Variants in KDM4C observed in about 807,000 individuals in gnomAD.
KDM4C encodes lysine demethylase 4C.
A neutral mutation model predicts 129.3 loss-of-function variants in KDM4C; 81 were observed. The ratio of observed to expected loss-of-function variants is 0.63; its 90% CI spans 0.52 to 0.75. The LOEUF is 0.75. Ranked by LOEUF, KDM4C falls within the 30% of genes least tolerant of loss-of-function variation. The pLI, the probability that KDM4C is intolerant of heterozygous loss-of-function variation, is 0.00. For synonymous variants in KDM4C, 573 were observed against 456.1 expected, an observed-to-expected ratio of 1.26 and a Z score of -3.26; for missense variants, 1,457 against 1,304.0, an observed-to-expected ratio of 1.12 and a Z score of -1.81.
intron 3 of KDM4C, among the ~76,000 whole-genome samples, chr9:6,807,217 T>C (rs1376175551): frequency 6.6e-6 from 1 of 152,206 alleles, no homozygotes; most frequent in Admixed American, 6.5e-5. Flanking sequence ...TGGAGTGCAG[T>C]GGCGTGATCT....
chr9:6,899,830 T>G (rs910637352), intron 8 of KDM4C, among the ~76,000 whole-genome samples: 3 of 152,132 alleles, frequency 2.0e-5, no homozygotes, highest in Non-Finnish European at 4.4e-5. Context: ...TAACTTGCAT[T>G]TGCTGCATTA....
At chr9:6,811,795 CAT>C (rs533683203) in intron 3 of KDM4C, among the ~76,000 whole-genome samples, 4 of 152,074 alleles carry the variant, frequency 2.6e-5, no homozygotes, top group Non-Finnish European at 4.4e-5. Context: ...TGAGTTTAAA[CAT>C]GTGTAGCCTG....
intron 9 of KDM4C, among the ~76,000 whole-genome samples, chr9:6,983,507 G>A (rs1242924713): frequency 6.6e-6 from 1 of 151,634 alleles, no homozygotes; most frequent in African/African-American, 2.4e-5. Context: ...GAGGCAGTGG[G>A]GGAGGATCAC....
intron 18 of KDM4C, among the ~76,000 whole-genome samples, chr9:7,109,388 A>G (rs551073932): frequency 6.6e-6 from 1 of 152,136 alleles, no homozygotes; most frequent in African/African-American, 2.4e-5. Flanking sequence ...CCTGAACAAT[A>G]TCTCTCTCCA....
At chr9:6,845,901 C>G (rs1323974163) in intron 4 of KDM4C, among the ~76,000 whole-genome samples, 1 of 152,222 alleles carries the variant, frequency 6.6e-6, no homozygotes, top group East Asian at 1.9e-4. Flanking sequence ...AGCCTTTCTG[C>G]TGAAACCTGA....
chr9:6,949,648 G>A (rs368503543), intron 8 of KDM4C, among the ~76,000 whole-genome samples: 9 of 152,176 alleles, frequency 5.9e-5, no homozygotes, highest in East Asian at 1.9e-4. Context: ...AGACCAGCCC[G>A]GCCAACACAG....
At chr9:6,778,923 T>TGTTG (rs1363821511) in intron 1 of KDM4C, among the ~76,000 whole-genome samples, 2 of 151,692 alleles carry the variant, frequency 1.3e-5, no homozygotes, top group African/African-American at 4.8e-5. Context: ...GATTTCACCA[T>TGTTG]GTTGGCCAAG....
At chr9:6,753,845 CTAAG>C (rs1311759704), upstream of KDM4C, among the ~76,000 whole-genome samples, 2 of 149,320 alleles carry the variant, frequency 1.3e-5, no homozygotes, top group Non-Finnish European at 3.0e-5. Context: ...AATAAAAACA[CTAAG>C]TATTACTATC....
chr9:7,040,533 A>G (rs1828416013), intron 15 of KDM4C, among the ~76,000 whole-genome samples: 1 of 151,886 alleles, frequency 6.6e-6, no homozygotes, highest in Admixed American at 6.6e-5. Flanking sequence ...CATTTTCCTC[A>G]TTCTGAAGAA....
At chr9:7,163,002 T>C (rs1034916112) in intron 19 of KDM4C, among the ~76,000 whole-genome samples, 1 of 152,124 alleles carries the variant, frequency 6.6e-6, no homozygotes, top group African/African-American at 2.4e-5. Flanking sequence ...CAAACAGGTT[T>C]CAAATACTGG....
At chr9:7,069,195 T>G (rs1056043729) in intron 17 of KDM4C, among the ~76,000 whole-genome samples, 17 of 152,218 alleles carry the variant, frequency 1.1e-4, no homozygotes, top group Non-Finnish European at 5.9e-5. Context: ...TATGATGTAT[T>G]ACACTACTAA....
chr9:6,766,356 A>G (rs1820624359), intron 1 of KDM4C, among the ~76,000 whole-genome samples: 1 of 152,098 alleles, frequency 6.6e-6, no homozygotes, highest in Admixed American at 6.6e-5. Flanking sequence ...ATGTATGATA[A>G]TCGTACAAAA....
chr9:6,958,542 G>A (rs549447214), intron 8 of KDM4C, among the ~76,000 whole-genome samples: 17 of 151,742 alleles, frequency 1.1e-4, no homozygotes, highest in South Asian at 4.2e-4. Context: ...AGCCGAGATC[G>A]CGCCATTGCA....
intron 2 of KDM4C, among the ~76,000 whole-genome samples, chr9:6,802,232 AAG>A (rs1829137123): frequency 6.6e-6 from 1 of 152,264 alleles, no homozygotes; most frequent in Admixed American, 6.5e-5. Flanking sequence ...CAGAAAGACT[AAG>A]AGTTAAATGA....
chr9:6,881,424 A>G (rs1410077297), intron 6 of KDM4C, among the ~76,000 whole-genome samples: 1 of 152,230 alleles, frequency 6.6e-6, no homozygotes, highest in Non-Finnish European at 1.5e-5. Context: ...AGTAGAGCTT[A>G]TAAGATGATT....
At chr9:6,776,036 A>G (rs1208869731) in intron 1 of KDM4C, among the ~76,000 whole-genome samples, 1 of 152,194 alleles carries the variant, frequency 6.6e-6, no homozygotes, top group African/African-American at 2.4e-5. Context: ...GAACAATTAA[A>G]AATTATTTTT....
chr9:7,173,616 A>G (rs751862885), intron 21 of KDM4C, among the ~76,000 whole-genome samples: 5 of 152,218 alleles, frequency 3.3e-5, no homozygotes, highest in Non-Finnish European at 5.9e-5. Context: ...GAAAGGCTGA[A>G]GGGCTTCAAG....
intron 5 of KDM4C, among the ~76,000 whole-genome samples, chr9:6,872,178 A>G (rs1268239145): frequency 1.3e-5 from 2 of 152,228 alleles, no homozygotes; most frequent in African/African-American, 2.4e-5. Context: ...CTTGAAAGCC[A>G]GGCAGTGAGG....
At chr9:7,027,218 C>A (rs1371119703) in intron 15 of KDM4C, among the ~76,000 whole-genome samples, 1 of 152,274 alleles carries the variant, frequency 6.6e-6, no homozygotes, top group Admixed American at 6.5e-5. Flanking sequence ...CTGGTTTTTA[C>A]CCATTCTCCT....
Sources: gnomAD v4.1 joint callset for allele counts (sites outside exome capture counted in the v4.1 genomes callset) on GRCh38, gnomAD v4.1.1 for gene constraint, MANE v1.5 for transcripts, NCBI Gene and HGNC (gene_info 2026-07-23, HGNC 2026-07-21) for gene names.